Variants in CDC27 observed in about 807,000 individuals in gnomAD.
CDC27 encodes cell division cycle 27, also known as cell division cycle protein 27 homolog.
A neutral mutation model predicts 109.7 loss-of-function variants in CDC27; 27 were observed. The observed-to-expected ratio is 0.25, with a 90% confidence interval of 0.18 to 0.34. The LOEUF (loss-of-function observed/expected upper bound fraction) is 0.34. CDC27 is among the 10% of genes least tolerant of loss of function. The pLI is 1.00. For missense variants in CDC27, 579 were observed against 960.2 expected, an observed-to-expected ratio of 0.60 and a Z score of 5.25; for synonymous variants, 266 against 333.9, an observed-to-expected ratio of 0.80 and a Z score of 2.22.
chr17:47,139,266 C>CTTTT (rs758367976), intron 12 of CDC27, among the ~76,000 whole-genome samples: 1 of 137,892 alleles, frequency 7.3e-6, no homozygotes, highest in Non-Finnish European at 1.6e-5. Context: ...CAGAATAACT[C>CTTTT]TTTTTTTTTT....
At chr17:47,142,880 TG>T (rs1253742538) in intron 10 of CDC27, among the ~76,000 whole-genome samples, 2 of 152,116 alleles carry the variant, frequency 1.3e-5, no homozygotes, top group Non-Finnish European at 2.9e-5. Context: ...TTCTCCACGT[TG>T]GTCAGGCTGG....
chr17:47,122,431 G>GTA lies in CDC27; in HGVS notation c.2392+11_2392+12dup, dbSNP rs778246684. ...ACTTTCTAAATACTCAAAATCATAT[G>GTA]TATGATACTTACTGATCTGTTCTTC... On this transcript the variant is annotated intron_variant, in intron 18 of 18. Coordinates refer to ENST00000066544, the MANE Select transcript of CDC27 (RefSeq NM_001256.6). 1 of 1,554,796 alleles carries GTA rather than the reference G, an allele frequency of 6.4e-7. No individual in the cohort carries two copies. The highest frequency in any genetic ancestry group is 1.4e-5 in the African/African-American group (1 of 73,018).
At chr17:47,178,879 C>T (rs557376608) in intron 2 of CDC27, among the ~76,000 whole-genome samples, 43 of 152,022 alleles carry the variant, frequency 2.8e-4, no homozygotes, top group African/African-American at 6.0e-4. Context: ...CTCGGCTCAC[C>T]GCAACCTCCG....
chr17:47,157,631 C>T (rs1047660131), intron 5 of CDC27, among the ~76,000 whole-genome samples: 3 of 152,014 alleles, frequency 2.0e-5, no homozygotes, highest in Non-Finnish European at 4.4e-5. Context: ...CATAACAAAT[C>T]GCAGAAAAAT....
intron 2 of CDC27, among the ~76,000 whole-genome samples, chr17:47,176,508 AG>A (rs1248406189): frequency 1.3e-5 from 2 of 152,230 alleles, no homozygotes; most frequent in African/African-American, 4.8e-5. Flanking sequence ...CAAATAAAAG[AG>A]GGCTGGAAGA....
chr17:47,152,544 T>C (rs1490457873), intron 8 of CDC27, among the ~76,000 whole-genome samples: 1 of 152,172 alleles, frequency 6.6e-6, no homozygotes, highest in Non-Finnish European at 1.5e-5. Context: ...CTTCTCTAAT[T>C]TATTCCCTTA....
At chr17:47,151,061 T>C (rs2063137889) in intron 9 of CDC27, among the ~76,000 whole-genome samples, 1 of 152,168 alleles carries the variant, frequency 6.6e-6, no homozygotes, top group Admixed American at 6.5e-5. Flanking sequence ...TGTTTATTAG[T>C]GTTAGTCTAT....
At chr17:47,151,206 A>G (rs2063141796) in intron 9 of CDC27, among the ~76,000 whole-genome samples, 1 of 152,222 alleles carries the variant, frequency 6.6e-6, no homozygotes. Context: ...AGAGGATTAG[A>G]CTTACCATTC....
At chr17:47,150,981 G>A (rs923549555) in intron 9 of CDC27, among the ~76,000 whole-genome samples, 2 of 151,528 alleles carry the variant, frequency 1.3e-5, no homozygotes, top group African/African-American at 4.9e-5. Context: ...GTGGTGGGCC[G>A]AGATCACACC....
chr17:47,147,268 G>A (rs534306023), intron 9 of CDC27, among the ~76,000 whole-genome samples: 69 of 151,568 alleles, frequency 4.6e-4, no homozygotes, highest in African/African-American at 7.7e-4. Flanking sequence ...GCATGGTGGC[G>A]CGCGCCTGTA....
At chr17:47,137,886 C>T (rs973551342) in intron 13 of CDC27, among the ~76,000 whole-genome samples, 4 of 151,844 alleles carry the variant, frequency 2.6e-5, no homozygotes, top group African/African-American at 4.8e-5. Flanking sequence ...ATGCAACCTC[C>T]GCCACCTAGG....
chr17:47,180,394 G>C (rs1182771483), intron 2 of CDC27, among the ~76,000 whole-genome samples: 2 of 151,906 alleles, frequency 1.3e-5, no homozygotes, highest in African/African-American at 2.4e-5. Flanking sequence ...CTCTCACATG[G>C]ACAGTAATCA....
intron 17 of CDC27, among the ~76,000 whole-genome samples, chr17:47,123,048 T>C (rs2062023404): frequency 6.6e-6 from 1 of 152,216 alleles, no homozygotes; most frequent in South Asian, 2.1e-4. Flanking sequence ...GGACATTTTC[T>C]TCCTACAGAT....
intron 4 of CDC27, among the ~76,000 whole-genome samples, chr17:47,166,700 T>C: frequency 6.6e-6 from 1 of 152,342 alleles, no homozygotes; most frequent in East Asian, 1.9e-4. Flanking sequence ...GAGTTGAAAC[T>C]GTTCTTTTAT....
At chr17:47,125,133 T>C (rs541845177) in intron 16 of CDC27, among the ~76,000 whole-genome samples, 26 of 151,662 alleles carry the variant, frequency 1.7e-4, no homozygotes, top group East Asian at 3.9e-4. Flanking sequence ...TTGCCCAGGC[T>C]GGTCTTGAAC....
chr17:47,171,400 A>G (rs1360893738), intron 3 of CDC27, among the ~76,000 whole-genome samples: 1 of 152,330 alleles, frequency 6.6e-6, no homozygotes, highest in African/African-American at 2.4e-5. Flanking sequence ...AGTCCCTTTT[A>G]CCATTATTCC....
intron 4 of CDC27, among the ~76,000 whole-genome samples, chr17:47,164,662 C>T (rs560761256): frequency 6.6e-6 from 1 of 152,250 alleles, no homozygotes; most frequent in African/African-American, 2.4e-5. Context: ...ACTAAAAATA[C>T]AAAAATTAGC....
At chr17:47,145,395 T>C (rs927562600) in intron 9 of CDC27, among the ~76,000 whole-genome samples, 1 of 152,200 alleles carries the variant, frequency 6.6e-6, no homozygotes, top group Non-Finnish European at 1.5e-5. Context: ...GAGTCTTCAG[T>C]TGAAAATTGA....
At chr17:47,176,443 T>A (rs1355542739) in intron 2 of CDC27, among the ~76,000 whole-genome samples, 6 of 152,184 alleles carry the variant, frequency 3.9e-5, no homozygotes, top group Non-Finnish European at 8.8e-5. Flanking sequence ...TTGTTAATGA[T>A]GGGGTTAATA....
Sources: gnomAD v4.1 joint callset for allele counts (sites outside exome capture counted in the v4.1 genomes callset) on GRCh38, gnomAD v4.1.1 for gene constraint, MANE v1.5 for transcripts, NCBI Gene and HGNC (gene_info 2026-07-23, HGNC 2026-07-21) for gene names.